Variants in LRP1B observed in about 807,000 individuals in gnomAD.
The protein encoded by LRP1B is LDL receptor related protein 1B.
Under a neutral mutation model 556.6 loss-of-function variants are expected in LRP1B, and 217 were observed. That is an observed-to-expected ratio of 0.39 (90% CI 0.35 to 0.44). The LOEUF is 0.44. Among genes scored for constraint, LRP1B ranks in the 20% least tolerant of loss-of-function variants. The pLI is 1.00. For synonymous variants in LRP1B, 2,047 were observed against 1,865.8 expected (o/e 1.10, Z -2.50); for missense variants, 5,053 against 5,620.8 (o/e 0.90, Z 3.23).
intron 1 of LRP1B, among the ~76,000 whole-genome samples, chr2:142,090,823 T>C (rs1345014129): frequency 1.3e-5 from 2 of 152,150 alleles, no homozygotes; most frequent in South Asian, 2.1e-4. Context: ...TCCAGGCTAT[T>C]ATTACAGTTC....
intron 41 of LRP1B, among the ~76,000 whole-genome samples, chr2:140,693,719 G>T (rs769215823): frequency 6.6e-6 from 1 of 151,356 alleles, no homozygotes; most frequent in African/African-American, 2.4e-5. Flanking sequence ...GGTGGGTGGC[G>T]GGGGGGCGTG....
chr2:141,049,259 C>T, intron 10 of LRP1B, 37 bp from the exon 11 acceptor site: 3 of 1,323,500 alleles, frequency 2.3e-6, no homozygotes, highest in Non-Finnish European at 3.3e-6. Context: ...ACAACTGATG[C>T]TGCTTAATCT....
At chr2:140,502,892 T>G in intron 54 of LRP1B, 71 bp downstream of exon 54, 1 of 1,504,590 alleles carries the variant, frequency 6.6e-7, no homozygotes. Flanking sequence ...AATACTATAC[T>G]AGACAGAAAA....
intron 3 of LRP1B, among the ~76,000 whole-genome samples, chr2:141,387,202 C>T (rs1689862393): frequency 1.3e-5 from 2 of 151,610 alleles, no homozygotes; most frequent in Non-Finnish European, 2.9e-5. Context: ...AAGTTGTAGC[C>T]ATAAACAACT....
intron 2 of LRP1B, among the ~76,000 whole-genome samples, chr2:141,773,879 A>G (rs1229145739): frequency 6.6e-6 from 1 of 152,372 alleles, no homozygotes; most frequent in South Asian, 2.1e-4. Flanking sequence ...ATCAGGTGGA[A>G]GTAGCTTAAA....
At chr2:141,506,477 G>C (rs1245542299) in intron 2 of LRP1B, among the ~76,000 whole-genome samples, 1 of 152,068 alleles carries the variant, frequency 6.6e-6, no homozygotes, top group Non-Finnish European at 1.5e-5. Flanking sequence ...ACGTGCACTA[G>C]TGTAACATTC....
intron 3 of LRP1B, among the ~76,000 whole-genome samples, chr2:141,306,753 T>G (rs971407201): frequency 5.9e-5 from 9 of 152,100 alleles, no homozygotes; most frequent in African/African-American, 2.2e-4. Context: ...CATTTATTGC[T>G]ATAAACTTCT....
chr2:141,600,566 T>G (rs1429870646), intron 2 of LRP1B, among the ~76,000 whole-genome samples: 1 of 151,724 alleles, frequency 6.6e-6, no homozygotes, highest in African/African-American at 2.4e-5. Flanking sequence ...CTGAATGAAC[T>G]GCAAACGTAA....
chr2:140,241,344 A>T (rs1680939690), intron 87 of LRP1B, among the ~76,000 whole-genome samples: 1 of 150,872 alleles, frequency 6.6e-6, no homozygotes, highest in Admixed American at 6.6e-5. Context: ...TCATGATTTT[A>T]CAAATATATC....
At chr2:141,640,464 C>T (rs770394479) in intron 2 of LRP1B, among the ~76,000 whole-genome samples, 3 of 152,140 alleles carry the variant, frequency 2.0e-5, no homozygotes, top group Non-Finnish European at 2.9e-5. Context: ...ACACTTTCTT[C>T]CCTCTGATAC....
chr2:141,961,975 T>G (rs1483387995), intron 1 of LRP1B, among the ~76,000 whole-genome samples: 2 of 151,776 alleles, frequency 1.3e-5, no homozygotes, highest in Non-Finnish European at 2.9e-5. Context: ...TTATTTAAAT[T>G]AGATTTCTCA....
rs79352429 is a variant in LRP1B at position 141,328,521 on chromosome 2, C to T, written c.344-73880G>A. Among the ~76,000 whole-genome samples, 926 of 152,236 alleles carry T rather than the reference C, an allele frequency of 6.1e-3. 5 individuals carry two copies. Among genetic ancestry groups the T allele is most frequent in the African/African-American group, 0.02 (843 of 41,540 alleles). On this transcript the variant is annotated intron_variant, in intron 3 of 90. Coordinates refer to ENST00000389484, the MANE Select transcript of LRP1B (RefSeq NM_018557.3). ...AGGTTCCTATAGTCTGTGCTAGACC[C>T]AAGATATAACTTCAGGGAAGAGTGG...
At chr2:141,456,941 A>AT (rs1681657240) in intron 3 of LRP1B, among the ~76,000 whole-genome samples, 1 of 152,238 alleles carries the variant, frequency 6.6e-6, no homozygotes. Context: ...AATTCATAAG[A>AT]TAAGTTTAAG....
At chr2:141,104,394 C>G (rs1427356780) in intron 7 of LRP1B, among the ~76,000 whole-genome samples, 2 of 151,988 alleles carry the variant, frequency 1.3e-5, no homozygotes, top group African/African-American at 4.8e-5. Context: ...AGTATGTCAA[C>G]CAGACAACAC....
chr2:141,218,530 A>T (rs2105269863), intron 6 of LRP1B, among the ~76,000 whole-genome samples: 1 of 152,288 alleles, frequency 6.6e-6, no homozygotes, highest in East Asian at 1.9e-4. Flanking sequence ...GTTACTTCAG[A>T]AACAGAAAAC....
intron 3 of LRP1B, among the ~76,000 whole-genome samples, chr2:141,256,514 T>C (rs1458529963): frequency 6.6e-6 from 1 of 151,986 alleles, no homozygotes; most frequent in Non-Finnish European, 1.5e-5. Context: ...CATTCTGACT[T>C]GTATTGTTCA....
intron 31 of LRP1B, among the ~76,000 whole-genome samples, chr2:140,823,841 A>C (rs1446683719): frequency 6.6e-6 from 1 of 152,140 alleles, no homozygotes; most frequent in Non-Finnish European, 1.5e-5. Context: ...GGAACAGAAA[A>C]CCAAATAACA....
At chr2:141,524,941 G>T (rs960029311) in intron 2 of LRP1B, among the ~76,000 whole-genome samples, 3 of 152,078 alleles carry the variant, frequency 2.0e-5, no homozygotes, top group Non-Finnish European at 4.4e-5. Flanking sequence ...CTAGTAATGA[G>T]CTAGATGTTT....
At chr2:141,382,382 T>C (rs1689674793) in intron 3 of LRP1B, among the ~76,000 whole-genome samples, 1 of 152,148 alleles carries the variant, frequency 6.6e-6, no homozygotes, top group East Asian at 1.9e-4. Flanking sequence ...AGGTTCAGCT[T>C]CTCCTGCTAC....
Sources: allele counts gnomAD v4.1 joint callset (sites outside exome capture counted in the v4.1 genomes callset), GRCh38; gene constraint gnomAD v4.1.1; transcripts MANE v1.5; gene names NCBI Gene and HGNC (gene_info 2026-07-23, HGNC 2026-07-21).